The following ZBTB20 variants were observed in gnomAD, a reference collection of about 807,000 sequenced individuals.
The protein encoded by ZBTB20 is zinc finger and BTB domain-containing protein 20.
Under a neutral mutation model 56.9 loss-of-function variants are expected in ZBTB20, and 9 were observed. The ratio of observed to expected loss-of-function variants is 0.16; its 90% CI spans 0.10 to 0.28. The LOEUF (loss-of-function observed/expected upper bound fraction) is 0.28. ZBTB20 is among the 10% of genes least tolerant of loss of function. The pLI is 1.00. For synonymous variants in ZBTB20, 417 were observed against 420.7 expected, an observed-to-expected ratio of 0.99 and a Z score of 0.11; for missense variants, 655 against 1,003.0, an observed-to-expected ratio of 0.65 and a Z score of 4.69.
At chr3:114,682,070 C>T (rs1008156370) in intron 6 of ZBTB20, among the ~76,000 whole-genome samples, 1 of 151,990 alleles carries the variant, frequency 6.6e-6, no homozygotes, top group Non-Finnish European at 1.5e-5. Context: ...TTTATGACAT[C>T]TGATTTAAAT....
chr3:114,394,910 C>T (rs896540912), intron 7 of ZBTB20, among the ~76,000 whole-genome samples: 9 of 152,162 alleles, frequency 5.9e-5, no homozygotes, highest in Non-Finnish European at 1.0e-4. Flanking sequence ...TTTCCCCTCT[C>T]TCTGGAAATT....
chr3:114,725,318 CT>C (rs2065194857), intron 5 of ZBTB20, among the ~76,000 whole-genome samples: 1 of 152,174 alleles, frequency 6.6e-6, no homozygotes, highest in Non-Finnish European at 1.5e-5. Flanking sequence ...ATCTTCATCT[CT>C]TTTCATCACT....
At chr3:114,962,164 T>A (rs566722297) in intron 3 of ZBTB20, among the ~76,000 whole-genome samples, 1 of 148,712 alleles carries the variant, frequency 6.7e-6, no homozygotes, top group African/African-American at 2.6e-5. Flanking sequence ...CTTTTCCACA[T>A]GCACAGTTGC....
chr3:114,396,841 T>G (rs1370629967), intron 7 of ZBTB20, among the ~76,000 whole-genome samples: 2 of 152,184 alleles, frequency 1.3e-5, no homozygotes, highest in Middle Eastern at 3.2e-3. Flanking sequence ...AAAAACTCAT[T>G]AACACTTCTT....
At chr3:114,808,165 A>G (rs1334560278) in intron 4 of ZBTB20, among the ~76,000 whole-genome samples, 2 of 151,944 alleles carry the variant, frequency 1.3e-5, no homozygotes, top group Admixed American at 6.6e-5. Context: ...CATATTTTCT[A>G]TTTCCTCTTG....
chr3:114,881,187 A>G (rs996688124), intron 4 of ZBTB20, among the ~76,000 whole-genome samples: 4 of 152,114 alleles, frequency 2.6e-5, no homozygotes, highest in Non-Finnish European at 1.5e-5. Context: ...CAACTTTTCT[A>G]GCTGAATGGA....
intron 6 of ZBTB20, among the ~76,000 whole-genome samples, chr3:114,647,076 A>G (rs575099969): frequency 3.4e-4 from 52 of 151,950 alleles, no homozygotes; most frequent in Non-Finnish European, 7.1e-4. Context: ...CTCCTGCCTC[A>G]GCCTCCCGAG....
At position 114,328,476 on chromosome 3, in the gene ZBTB20, A is replaced by G. The variant is rs1396427594; in HGVS notation, c.*10529T>C. On this transcript the variant is annotated 3_prime_UTR_variant, in exon 12 of 12. Coordinates refer to ENST00000675478, the MANE Select transcript of ZBTB20 (RefSeq NM_001348800.3). The stretch of plus-strand genomic sequence containing the variant: ...TCTCCGTCAAAAGTGATTTACTCAT[A>G]TGAAGAACCTGAACACTGTGGTATT... The G allele has an allele frequency of 2.6e-5, 4 of 152,138 alleles. No individual in the cohort carries two copies. The East Asian group carries it at 7.7e-4, about 29-fold the overall frequency. 9.4% of individuals were successfully genotyped at this position (152,138 alleles called of 1,614,324 possible).
intron 1 of ZBTB20, among the ~76,000 whole-genome samples, chr3:115,140,187 T>C (rs1273434177): frequency 6.6e-6 from 1 of 151,960 alleles, no homozygotes; most frequent in African/African-American, 2.4e-5. Context: ...CAACATGCCA[T>C]AGATCATGTA....
At chr3:114,741,718 C>CA (rs547113766) in intron 5 of ZBTB20, among the ~76,000 whole-genome samples, 13,311 of 135,064 alleles carry the variant, frequency 0.099, 938 homozygotes, top group East Asian at 0.37. Flanking sequence ...ACTGAAAATA[C>CA]AAAAAAAAAA....
intron 1 of ZBTB20, among the ~76,000 whole-genome samples, chr3:115,110,130 T>A (rs549449539): frequency 6.6e-6 from 1 of 151,940 alleles, no homozygotes; most frequent in South Asian, 2.1e-4. Context: ...GAGAATCACT[T>A]GAACCCGGGA....
intron 2 of ZBTB20, among the ~76,000 whole-genome samples, chr3:115,028,606 A>C (rs1024545725): frequency 6.6e-6 from 1 of 150,432 alleles, no homozygotes; most frequent in African/African-American, 2.4e-5. Flanking sequence ...TAAGGATACA[A>C]AACTTCTCAG....
intron 3 of ZBTB20, among the ~76,000 whole-genome samples, chr3:114,925,497 T>C (rs1010508942): frequency 9.2e-5 from 14 of 152,020 alleles, no homozygotes; most frequent in Non-Finnish European, 1.9e-4. Context: ...TTGAAGTAAT[T>C]ATGGGGTTTT....
intron 2 of ZBTB20, among the ~76,000 whole-genome samples, chr3:115,042,283 G>C (rs1356630271): frequency 6.6e-6 from 1 of 152,014 alleles, no homozygotes; most frequent in Non-Finnish European, 1.5e-5. Flanking sequence ...ATGCCATCAG[G>C]GAAGAAAAAT....
At position 114,339,338 on chromosome 3, in the gene ZBTB20, C is replaced by T. The variant is rs1235670829; in HGVS notation, c.1893G>A (p.Val631=). 6.2e-7 allele frequency: 1 copy of T among 1,614,156 alleles called. No individual in the cohort carries two copies. Among genetic ancestry groups the T allele is most frequent in the Non-Finnish European group, 8.5e-7 (1 of 1,180,040 alleles). The part of the protein sequence containing the change: ...LIKHMVTHTG[V]RAYQCSICNK... ...TGCAGATACTACACTGGTATGCCCT[C>T]ACTCCTGTGTGTGTCACCATGTGCT... The change falls in exon 12 of 12, where the codon GTG becomes GTA. Residue 631 remains valine (V), a synonymous_variant. Transcript: ENST00000675478. The surrounding 1 kb of genome is among the most constrained non-coding windows in gnomAD (Gnocchi z 4.2).
intron 3 of ZBTB20, 90 bp from the exon 4 acceptor site, chr3:114,900,432 A>T (rs2075063551): frequency 6.6e-6 from 1 of 152,034 alleles, no homozygotes; most frequent in Non-Finnish European, 1.5e-5. Context: ...GAGAAGTAGG[A>T]AAAGTTTCAG....
chr3:114,975,291 G>T (rs1197984584), intron 2 of ZBTB20, among the ~76,000 whole-genome samples: 2 of 152,120 alleles, frequency 1.3e-5, no homozygotes, highest in African/African-American at 4.8e-5. Flanking sequence ...AAATCTCAAT[G>T]ATGACCTTGA....
At position 115,053,523 on chromosome 3, in the gene ZBTB20, G is replaced by A. The variant is rs992720046; in HGVS notation, c.-507+17696C>T. On this transcript the variant is annotated intron_variant, in intron 2 of 11. Coordinates refer to ENST00000675478, the MANE Select transcript of ZBTB20 (RefSeq NM_001348800.3). The stretch of plus-strand genomic sequence containing the variant: ...TAATCAGCAAGAGCTTATTTAAGTG[G>A]AATAGTGAGAGTACTTGCTCAATAA... Among the ~76,000 whole-genome samples, 5 of 152,244 alleles carry A rather than the reference G, an allele frequency of 3.3e-5. 1 individual carries two copies. The highest frequency in any genetic ancestry group is 3.3e-4 in the Admixed American group (5 of 15,290).
At chr3:114,483,372 C>T (rs550312532) in intron 7 of ZBTB20, among the ~76,000 whole-genome samples, 2 of 151,838 alleles carry the variant, frequency 1.3e-5, no homozygotes, top group East Asian at 1.9e-4. Flanking sequence ...TGAAAGCATG[C>T]GAACTTATAA....
Sources: allele counts gnomAD v4.1 joint callset (sites outside exome capture counted in the v4.1 genomes callset), GRCh38; gene constraint gnomAD v4.1.1; non-coding constraint Gnocchi (gnomAD v3.1); transcripts MANE v1.5; gene names NCBI Gene and HGNC (gene_info 2026-07-23, HGNC 2026-07-21).